LARGE1: variants seen among roughly 807,000 people sequenced by gnomAD.
LARGE1 encodes LARGE xylosyl- and glucuronyltransferase 1, also known as xylosyl- and glucuronyltransferase LARGE1.
A neutral mutation model predicts 87.6 loss-of-function variants in LARGE1; 43 were observed. The ratio of observed to expected loss-of-function variants is 0.49; its 90% CI spans 0.38 to 0.63. The LOEUF (loss-of-function observed/expected upper bound fraction) is 0.63. Ranked by LOEUF, LARGE1 falls within the 30% of genes least tolerant of loss-of-function variation. LARGE1 has a pLI of 0.00. For synonymous variants in LARGE1, 434 were observed against 394.6 expected (o/e 1.10, Z -1.18); for missense variants, 802 against 1,000.2 (o/e 0.80, Z 2.67).
chr22:33,515,132 A>T (rs2071240368), intron 6 of LARGE1, among the ~76,000 whole-genome samples: 1 of 151,880 alleles, frequency 6.6e-6, no homozygotes, highest in African/African-American at 2.4e-5. Flanking sequence ...AAAAAAAAAA[A>T]TAAAAAATAA....
At chr22:33,693,654 C>G (rs755142838) in intron 2 of LARGE1, among the ~76,000 whole-genome samples, 3 of 151,998 alleles carry the variant, frequency 2.0e-5, no homozygotes, top group Non-Finnish European at 4.4e-5. Context: ...GAAACCCCGT[C>G]TCTACTAAAG....
At chr22:33,309,301 G>A (rs1301699412) in intron 11 of LARGE1, among the ~76,000 whole-genome samples, 1 of 152,098 alleles carries the variant, frequency 6.6e-6, no homozygotes, top group African/African-American at 2.4e-5. Context: ...TGAGTAGCTG[G>A]GATTACAGGT....
At chr22:33,287,452 G>A (rs532791273) in intron 12 of LARGE1, among the ~76,000 whole-genome samples, 1 of 152,216 alleles carries the variant, frequency 6.6e-6, no homozygotes, top group Non-Finnish European at 1.5e-5. Flanking sequence ...TCACCAGATA[G>A]ATCTATTTCA....
chr22:33,796,364 G>C (rs949906880), intron 1 of LARGE1, among the ~76,000 whole-genome samples: 4 of 152,300 alleles, frequency 2.6e-5, no homozygotes, highest in African/African-American at 9.6e-5. Context: ...GGCAGACAGA[G>C]TTTGGAGAGA....
chr22:33,754,250 G>A (rs1056532318), intron 2 of LARGE1, among the ~76,000 whole-genome samples: 1 of 152,142 alleles, frequency 6.6e-6, no homozygotes, highest in Admixed American at 6.5e-5. Flanking sequence ...ACTATTCAGA[G>A]CAGCCCACTT....
At chr22:33,259,319 AACACACACACACACAC>A (rs3071499) in intron 11 of LARGE1, among the ~76,000 whole-genome samples, 29 of 145,296 alleles carry the variant, frequency 2.0e-4, no homozygotes, top group Middle Eastern at 3.5e-3. Context: ...TCCAAAGGGC[AACACACACACACACAC>A]ACACACACAC....
At chr22:33,887,560 A>G (rs1196712993) in intron 1 of LARGE1, among the ~76,000 whole-genome samples, 2 of 152,142 alleles carry the variant, frequency 1.3e-5, no homozygotes, top group Non-Finnish European at 2.9e-5. Flanking sequence ...AACATGGTGA[A>G]ACCCTGTCTC....
the LARGE1 span, among the ~76,000 whole-genome samples, chr22:33,127,590 T>G: frequency 6.6e-6 from 1 of 152,214 alleles, no homozygotes. Context: ...ATTCAACTCT[T>G]TTAAAGTTCC....
intron 3 of LARGE1, among the ~76,000 whole-genome samples, chr22:33,635,295 A>G (rs1035100030): frequency 5.3e-5 from 8 of 152,068 alleles, no homozygotes; most frequent in Non-Finnish European, 8.8e-5. Flanking sequence ...TGAAAACATG[A>G]TATCAACTGC....
At chr22:33,353,810 G>C (rs1023077315) in intron 9 of LARGE1, among the ~76,000 whole-genome samples, 3 of 152,206 alleles carry the variant, frequency 2.0e-5, no homozygotes, top group African/African-American at 7.2e-5. Context: ...GAATTATGGA[G>C]TAAGGTCACA....
At chr22:33,338,814 C>T (rs969870579) in intron 9 of LARGE1, among the ~76,000 whole-genome samples, 4 of 152,066 alleles carry the variant, frequency 2.6e-5, no homozygotes, top group African/African-American at 9.7e-5. Flanking sequence ...AAAGTGTCCA[C>T]AAACAGGTAA....
chr22:33,668,368 A>G (rs2081321226), intron 2 of LARGE1, among the ~76,000 whole-genome samples: 2 of 152,188 alleles, frequency 1.3e-5, no homozygotes, highest in African/African-American at 4.8e-5. Flanking sequence ...AGATGAGTTA[A>G]GGATCTTCCA....
chr22:33,622,574 C>T (rs1465788952), intron 4 of LARGE1, among the ~76,000 whole-genome samples: 1 of 152,220 alleles, frequency 6.6e-6, no homozygotes, highest in Non-Finnish European at 1.5e-5. Flanking sequence ...TCCTGCCCAA[C>T]CTGCTGCCAC....
At chr22:33,401,943 C>T (rs928232749) in intron 7 of LARGE1, among the ~76,000 whole-genome samples, 1 of 152,210 alleles carries the variant, frequency 6.6e-6, no homozygotes, top group East Asian at 1.9e-4. Flanking sequence ...GCCCCAGCAT[C>T]CCTTGCTGAT....
the LARGE1 span, among the ~76,000 whole-genome samples, chr22:33,151,198 A>G: frequency 6.6e-6 from 1 of 152,128 alleles, no homozygotes; most frequent in African/African-American, 2.4e-5. Context: ...TAAGAATTCA[A>G]TTTTTAGAGC....
At chr22:33,440,691 C>G (rs2067434907) in intron 6 of LARGE1, among the ~76,000 whole-genome samples, 1 of 152,144 alleles carries the variant, frequency 6.6e-6, no homozygotes, top group South Asian at 2.1e-4. Flanking sequence ...GCTACACAGC[C>G]CCAGGTGTTC....
At chr22:33,163,339 G>A (rs1053583059) in exon 12 of LARGE1, 2 of 152,096 alleles carry the variant, frequency 1.3e-5, no homozygotes, top group African/African-American at 4.8e-5. Context: ...AATGAAGTGT[G>A]GTATGCTTTT....
chr22:33,524,044 G>C (rs933316157), intron 6 of LARGE1, among the ~76,000 whole-genome samples: 1 of 152,056 alleles, frequency 6.6e-6, no homozygotes, highest in Non-Finnish European at 1.5e-5. Context: ...TGTAATCCCA[G>C]CACTTTAGAA....
intron 2 of LARGE1, among the ~76,000 whole-genome samples, chr22:33,709,517 C>G (rs1388562114): frequency 6.6e-6 from 1 of 152,148 alleles, no homozygotes; most frequent in African/African-American, 2.4e-5. Context: ...TTAAACTCAT[C>G]CTTGGTGAGG....
Sources: gnomAD v4.1 joint callset for allele counts (sites outside exome capture counted in the v4.1 genomes callset) on GRCh38, gnomAD v4.1.1 for gene constraint, MANE v1.5 for transcripts, NCBI Gene and HGNC (gene_info 2026-07-23, HGNC 2026-07-21) for gene names.